KRT73: variants seen among roughly 807,000 people sequenced by gnomAD.
KRT73 encodes keratin 73.
A neutral mutation model predicts 47.2 loss-of-function variants in KRT73; 44 were observed. The observed-to-expected ratio is 0.93, with a 90% CI of 0.73 to 1.20. The LOEUF is 1.20. Among genes scored for constraint, KRT73 ranks in the 50% most tolerant of loss-of-function variants. The pLI, the probability that KRT73 is intolerant of heterozygous loss-of-function variation, is 0.00. For synonymous variants in KRT73, 285 were observed against 291.3 expected (o/e 0.98, Z 0.22); for missense variants, 713 against 704.5 (o/e 1.01, Z -0.14).
chr12:52,609,321 G>C, intron 7 of KRT73, 40 bp from the exon 8 acceptor site: 1 of 1,576,630 alleles, frequency 6.3e-7, no homozygotes, highest in Non-Finnish European at 8.7e-7. Flanking sequence ...GAATCACGTG[G>C]ACTCCCATAG....
At chr12:52,609,861 G>C (rs1940657583) in intron 7 of KRT73, 1 of 152,606 alleles carries the variant, frequency 6.6e-6, no homozygotes, top group African/African-American at 2.4e-5. Flanking sequence ...TTATCACCAG[G>C]GTAAATAGAA....
At chr12:52,626,955 C>T in the KRT73 span, among the ~76,000 whole-genome samples, 1 of 152,212 alleles carries the variant, frequency 6.6e-6, no homozygotes, top group South Asian at 2.1e-4. Context: ...TTGCCCCACC[C>T]ACCTGTCCTG....
chr12:52,618,139 C>A lies in KRT73; in HGVS notation c.386G>T (p.Arg129Leu). Residue 129 changes from arginine to leucine, a missense_variant, in exon 1 of 9, where the codon CGT becomes CTT. Transcript: ENST00000305748. ...CTTGATCTGCTCCCGCTCCTGGGCA[C>A]GCACTTTCTGGATTTCAGGGTCCAG... is the stretch of plus-strand genomic sequence containing the variant. ...VELDPEIQKV[R>L]AQEREQIKVL... is the part of the protein sequence containing the mutation. 2 of 1,613,928 alleles carry A rather than the reference C, an allele frequency of 1.2e-6. No homozygotes were observed. Among genetic ancestry groups the A allele is most frequent in the East Asian group, 2.2e-5 (1 of 44,884 alleles).
chr12:52,609,111 A>T, intron 8 of KRT73, 136 bp downstream of exon 8: 1 of 769,540 alleles, frequency 1.3e-6, no homozygotes, highest in South Asian at 1.5e-5. Flanking sequence ...AGGTCTCAGC[A>T]AGGAAGGTGA....
At chr12:52,617,984 C>T in intron 1 of KRT73, 94 bp downstream of exon 1, 2 of 1,354,772 alleles carry the variant, frequency 1.5e-6, no homozygotes, top group South Asian at 2.7e-5. Context: ...TGATTTCTTG[C>T]TCTCAGGCAA....
chr12:52,608,326 C>A lies in KRT73; in HGVS notation c.1493G>T (p.Cys498Phe), dbSNP rs778253563. Residue 498 changes from cysteine to phenylalanine, a missense_variant, in exon 9 of 9, where the codon TGT becomes TTT. Cys to Phe is a radical substitution (Grantham distance 205, BLOSUM62 -2). Coordinates refer to ENST00000305748, the MANE Select transcript of KRT73 (RefSeq NM_175068.3). ...SGGYSMLPGG[C>F]VTGSGNCSPR... ...GCTACAGTTCCCACTGCCAGTGACA[C>A]AGCCCCCAGGCAGCATGCTGTAGCC... is the stretch of plus-strand genomic sequence containing the variant. 1.2e-5 allele frequency: 20 copies of A among 1,613,978 alleles called. No individual in the cohort carries two copies. In the South Asian group the frequency reaches 2.1e-4, roughly 17 times the overall value.
upstream of KRT73, among the ~76,000 whole-genome samples, chr12:52,622,962 TA>T (rs1383336195): frequency 6.6e-6 from 1 of 151,982 alleles, no homozygotes; most frequent in Non-Finnish European, 1.5e-5. Context: ...TGAAGAAGAA[TA>T]AAATGAACCA....
At chr12:52,630,428 C>T in the KRT73 span, among the ~76,000 whole-genome samples, 15 of 152,150 alleles carry the variant, frequency 9.9e-5, no homozygotes, top group African/African-American at 1.9e-4. Flanking sequence ...TGGGCATCTC[C>T]GATGGCTACC....
At chr12:52,624,621 A>C in the KRT73 span, among the ~76,000 whole-genome samples, 1 of 152,156 alleles carries the variant, frequency 6.6e-6, no homozygotes, top group Non-Finnish European at 1.5e-5. Flanking sequence ...GGATCTATCC[A>C]AACACTTATT....
At chr12:52,621,986 T>C (rs1424458120), upstream of KRT73, among the ~76,000 whole-genome samples, 1 of 152,058 alleles carries the variant, frequency 6.6e-6, no homozygotes, top group African/African-American at 2.4e-5. Context: ...CCACACCCTT[T>C]CCCCTGCAAG....
chr12:52,609,171 C>T (rs1940643671), intron 8 of KRT73, 76 bp downstream of exon 8: 18 of 1,278,482 alleles, frequency 1.4e-5, no homozygotes, highest in Non-Finnish European at 2.1e-5. Flanking sequence ...CCTCAGGGGG[C>T]TGGGCGGTGG....
rs143333287 is a variant in KRT73, at chr12:52,618,245, C to T, written c.280G>A (p.Val94Met). ...SMFGSVALGS[V>M]CPSLCPPGGI... ...CCGGGCGGGCACAACGACGGACACA[C>T]GGACCCCAAGGCCACACTGCCAAAC... Residue 94 changes from valine to methionine, a missense_variant, in exon 1 of 9, where the codon GTG (valine) becomes ATG (methionine). Val to Met is a conservative substitution (Grantham distance 21). Transcript: ENST00000305748. The T allele has an allele frequency of 2.8e-4, 450 of 1,614,190 alleles. 1 individual carries two copies. The highest frequency in any genetic ancestry group is 2.7e-4 in the Non-Finnish European group (319 of 1,180,028).
At chr12:52,627,952 G>A in the KRT73 span, among the ~76,000 whole-genome samples, 1 of 152,130 alleles carries the variant, frequency 6.6e-6, no homozygotes, top group Non-Finnish European at 1.5e-5. Flanking sequence ...TTGCAGGATG[G>A]CAATCTGGGG....
chr12:52,622,756 C>T (rs952774780), upstream of KRT73, among the ~76,000 whole-genome samples: 1 of 152,136 alleles, frequency 6.6e-6, no homozygotes, highest in Non-Finnish European at 1.5e-5. Flanking sequence ...CACTGAATTG[C>T]GATCAGACCC....
At chr12:52,628,259 C>G in the KRT73 span, among the ~76,000 whole-genome samples, 7 of 152,030 alleles carry the variant, frequency 4.6e-5, no homozygotes, top group East Asian at 1.2e-3. Flanking sequence ...ATACTCATTC[C>G]GGCAGAAGGG....
At chr12:52,614,792 G>A (rs1028539136) in intron 3 of KRT73, 118 bp from the exon 4 acceptor site, 1 of 766,522 alleles carries the variant, frequency 1.3e-6, no homozygotes. Flanking sequence ...CAGATCCAAG[G>A]GGCAGGAACC....
At chr12:52,622,220 A>G (rs1050647038), upstream of KRT73, among the ~76,000 whole-genome samples, 6 of 152,372 alleles carry the variant, frequency 3.9e-5, no homozygotes, top group African/African-American at 1.4e-4. Flanking sequence ...GCCACAATAA[A>G]CATGCTTAAA....
At chr12:52,622,598 T>C (rs895764078), upstream of KRT73, among the ~76,000 whole-genome samples, 1 of 152,162 alleles carries the variant, frequency 6.6e-6, no homozygotes, top group Non-Finnish European at 1.5e-5. Context: ...CAAGTACAAG[T>C]CTCTGTGCCT....
chr12:52,608,117 A>T lies in KRT73; in HGVS notation c.*79T>A, dbSNP rs1197549230. ...CAAGAAGGAGATGAGGACAAATGAG[A>T]CAGAGGAATTTCCTAGAAGAGTCCG... On this transcript the variant is annotated 3_prime_UTR_variant, in exon 9 of 9. Transcript: ENST00000305748. 2.7e-5 allele frequency: 39 copies of T among 1,457,778 alleles called. No individual in the cohort carries two copies. In the East Asian group the frequency reaches 8.6e-4, roughly 32 times the overall value. The allele number at this position is 1,457,778 out of a possible 1,614,324, so 90.3% of individuals were successfully genotyped here.
Sources: allele counts gnomAD v4.1 joint callset (sites outside exome capture counted in the v4.1 genomes callset), GRCh38; gene constraint gnomAD v4.1.1; transcripts MANE v1.5; gene names NCBI Gene and HGNC (gene_info 2026-07-23, HGNC 2026-07-21).